The following SERPINE2 variants were observed in gnomAD, a reference collection of about 807,000 sequenced individuals.
The protein encoded by SERPINE2 is glia-derived nexin.
SERPINE2 carries 14 observed loss-of-function variants against 36.3 expected under a neutral mutation model. The observed-to-expected ratio is 0.39, with a 90% confidence interval of 0.25 to 0.60. The LOEUF (loss-of-function observed/expected upper bound fraction) is 0.60, where lower values mean the gene tolerates loss of function less well. Among genes scored for constraint, SERPINE2 ranks in the 20% least tolerant of loss-of-function variants. SERPINE2 has a pLI of 0.57. For missense variants in SERPINE2, 418 were observed against 499.6 expected (o/e 0.84, Z 1.56); for synonymous variants, 192 against 191.8 (o/e 1.00, Z -0.01).
At chr2:223,988,951 T>C (rs1459580992) in intron 4 of SERPINE2, among the ~76,000 whole-genome samples, 1 of 152,214 alleles carries the variant, frequency 6.6e-6, no homozygotes. Flanking sequence ...CCTATGTATG[T>C]AAAAAGTTTC....
rs56799419 is a variant in SERPINE2 at position 223,975,729 on chromosome 2, C to A, written c.*138G>T. On this transcript the variant is annotated 3_prime_UTR_variant, in exon 9 of 9. Transcript: ENST00000409304. ...CCTCCCAGAACAGAAACACTTGCATCGAGTCTGTTCCTAAGAACTAGTTTT... is the reference window on the plus strand; with the variant it reads ...CCTCCCAGAACAGAAACACTTGCATAGAGTCTGTTCCTAAGAACTAGTTTT... The A allele has an allele frequency of 3.1e-6, 2 of 639,822 alleles. No homozygotes were observed. The highest frequency in any genetic ancestry group is 5.3e-6 in the Non-Finnish European group (2 of 380,552). 39.6% of individuals were successfully genotyped at this position (639,822 alleles called of 1,614,324 possible).
chr2:224,023,339 T>C (rs748150545), intron 1 of SERPINE2, among the ~76,000 whole-genome samples: 2 of 152,226 alleles, frequency 1.3e-5, no homozygotes, highest in African/African-American at 2.4e-5. Flanking sequence ...CCCTCAGTGA[T>C]GCCATCTAAG....
chr2:224,022,928 C>A (rs1348421909), intron 1 of SERPINE2, among the ~76,000 whole-genome samples: 1 of 152,174 alleles, frequency 6.6e-6, no homozygotes, highest in Non-Finnish European at 1.5e-5. Flanking sequence ...AAGTGTCTGG[C>A]ATTTCCCTTG....
At chr2:223,978,584 A>C (rs961469041) in intron 7 of SERPINE2, 1 of 152,178 alleles carries the variant, frequency 6.6e-6, no homozygotes, top group South Asian at 2.1e-4. Flanking sequence ...TTTCCATTTA[A>C]TAAGCCTGAA....
intron 1 of SERPINE2, among the ~76,000 whole-genome samples, chr2:224,032,830 G>C (rs1236710353): frequency 6.6e-6 from 1 of 152,184 alleles, no homozygotes; most frequent in African/African-American, 2.4e-5. Flanking sequence ...TACAAATAGA[G>C]GATTGCTTGG....
chr2:224,008,624 C>T (rs1033368661), intron 1 of SERPINE2, among the ~76,000 whole-genome samples: 5 of 152,168 alleles, frequency 3.3e-5, no homozygotes, highest in Non-Finnish European at 7.3e-5. Flanking sequence ...CCTTGCTTTC[C>T]GGTTTGACTA....
intron 3 of SERPINE2, among the ~76,000 whole-genome samples, chr2:223,996,368 G>T (rs1559203101): frequency 1.3e-5 from 2 of 152,148 alleles, no homozygotes; most frequent in Non-Finnish European, 2.9e-5. Context: ...ACCCTCATGT[G>T]TGCTGACCTC....
intron 3 of SERPINE2, among the ~76,000 whole-genome samples, chr2:223,995,150 T>G (rs1296903845): frequency 6.6e-6 from 1 of 151,840 alleles, no homozygotes; most frequent in Non-Finnish European, 1.5e-5. Flanking sequence ...GAACATAGAG[T>G]ACAAGGATGA....
chr2:224,009,505 G>A (rs1364322693), intron 1 of SERPINE2, among the ~76,000 whole-genome samples: 8 of 152,102 alleles, frequency 5.3e-5, no homozygotes, highest in Non-Finnish European at 1.0e-4. Flanking sequence ...AACCAGCCTG[G>A]CCAACATGGC....
Position 224,003,857 on chromosome 2 carries a change from C to A in SERPINE2, c.-22-1935G>T, listed in dbSNP as rs572260287. ...ACGTGTGGGAGGTTAGGGGTGACTGCAGAGAATAAAACAGAAGGGGGCCTT... is the reference window on the plus strand; with the variant it reads ...ACGTGTGGGAGGTTAGGGGTGACTGAAGAGAATAAAACAGAAGGGGGCCTT... On this transcript the variant is annotated intron_variant, in intron 1 of 8. Transcript: ENST00000409304. Among the ~76,000 whole-genome samples, 9 of 152,208 alleles carry A rather than the reference C, an allele frequency of 5.9e-5. No homozygotes were observed. The South Asian group carries it at 8.3e-4, about 14-fold the overall frequency.
intron 3 of SERPINE2, 37 bp downstream of exon 3, chr2:223,998,078 A>G (rs368069493): frequency 6.5e-7 from 1 of 1,535,394 alleles, no homozygotes; most frequent in Admixed American, 1.7e-5. Flanking sequence ...CTTCATTCAC[A>G]AACTATGCAA....
rs200537510 is a variant in SERPINE2, at chr2:223,998,355, T to C, written c.260-13A>G. ...ATTTTACCAACTCCTAAAAGAGAAA[T>C]CAGAAGATACAGCAATACTTCCATA... On this transcript the variant is annotated splice_polypyrimidine_tract_variant and intron_variant, in intron 2 of 8. Coordinates refer to ENST00000409304, the MANE Select transcript of SERPINE2 (RefSeq NM_001136528.2). The C allele has an allele frequency of 6.3e-7, 1 of 1,583,534 alleles. No homozygotes were observed. The highest frequency in any genetic ancestry group is 2.2e-5 in the East Asian group (1 of 44,716).
intron 4 of SERPINE2, among the ~76,000 whole-genome samples, chr2:223,988,862 GT>G (rs1031606979): frequency 1.8e-4 from 27 of 152,188 alleles, no homozygotes; most frequent in African/African-American, 6.5e-4. Context: ...AAAGGATCAA[GT>G]AAATCCTTAT....
At chr2:223,983,660 A>G (rs1690308395) in intron 5 of SERPINE2, among the ~76,000 whole-genome samples, 1 of 149,910 alleles carries the variant, frequency 6.7e-6, no homozygotes, top group African/African-American at 2.5e-5. Context: ...AATATTTGTG[A>G]CCTACTTGGC....
chr2:224,035,665 T>G (rs1692512005), intron 1 of SERPINE2, among the ~76,000 whole-genome samples: 1 of 152,194 alleles, frequency 6.6e-6, no homozygotes, highest in African/African-American at 2.4e-5. Flanking sequence ...CACCACGCAC[T>G]GCCTCATCCA....
At chr2:223,999,745 C>T (rs1177796022) in intron 2 of SERPINE2, among the ~76,000 whole-genome samples, 1 of 152,188 alleles carries the variant, frequency 6.6e-6, no homozygotes, top group African/African-American at 2.4e-5. Flanking sequence ...GAAATAATGG[C>T]TTAAAATCAG....
At chr2:224,007,504 C>G (rs1691468047) in intron 1 of SERPINE2, among the ~76,000 whole-genome samples, 1 of 152,186 alleles carries the variant, frequency 6.6e-6, no homozygotes, top group African/African-American at 2.4e-5. Flanking sequence ...TTGGAGTTAA[C>G]TGCAGACATC....
chr2:223,978,296 GGGCATTACA>G (rs1167373113), intron 7 of SERPINE2: 10 of 152,420 alleles, frequency 6.6e-5, no homozygotes, highest in Admixed American at 6.5e-4. Flanking sequence ...CCCAAAGTGC[GGGCATTACA>G]GGCATGAGCC....
At chr2:224,012,718 C>T (rs1223719435) in intron 1 of SERPINE2, among the ~76,000 whole-genome samples, 2 of 152,100 alleles carry the variant, frequency 1.3e-5, no homozygotes, top group Admixed American at 1.3e-4. Flanking sequence ...TTCTGTATAC[C>T]GTTATGTAGC....
Sources: allele counts gnomAD v4.1 joint callset (sites outside exome capture counted in the v4.1 genomes callset), GRCh38; gene constraint gnomAD v4.1.1; transcripts MANE v1.5; gene names NCBI Gene and HGNC (gene_info 2026-07-23, HGNC 2026-07-21).